Variants in RAB9B observed in about 807,000 individuals in gnomAD.
RAB9B encodes ras-related protein Rab-9B.
A neutral mutation model predicts 8.9 loss-of-function variants in RAB9B; 1 was observed. The ratio of observed to expected loss-of-function variants is 0.11; its 90% CI spans 0.04 to 0.53. The LOEUF (loss-of-function observed/expected upper bound fraction) is 0.53, where lower values mean the gene tolerates loss of function less well. Among genes scored for constraint, RAB9B ranks in the 20% least tolerant of loss-of-function variants. The probability of loss-of-function intolerance (pLI) is 0.93; values close to 1 mark genes in which losing one functional copy is unlikely to be tolerated. For missense variants in RAB9B, 82 were observed against 152.9 expected, an observed-to-expected ratio of 0.54 and a Z score of 2.45; for synonymous variants, 63 against 57.0, an observed-to-expected ratio of 1.10 and a Z score of -0.47.
chrX:103,795,754 A>G, the RAB9B span, among the ~76,000 whole-genome samples: 2 of 112,499 alleles, frequency 1.8e-5, no homozygotes, highest in African/African-American at 6.5e-5. Flanking sequence ...TATTATCACA[A>G]GTGAACAGAA....
the RAB9B span, among the ~76,000 whole-genome samples, chrX:103,797,598 C>T: frequency 2.7e-5 from 3 of 111,850 alleles, no homozygotes; most frequent in Non-Finnish European, 3.8e-5. Context: ...GGCAGCTAAG[C>T]CATGATTGGT....
the RAB9B span, among the ~76,000 whole-genome samples, chrX:103,801,308 G>C: frequency 9.0e-6 from 1 of 110,703 alleles, no homozygotes. Context: ...CCCCTCCTAG[G>C]AGTGTGGCTC....
the RAB9B span, chrX:103,792,680 C>T: frequency 6.2e-5 from 7 of 112,347 alleles, no homozygotes; most frequent in Admixed American, 6.6e-4. Context: ...AATAATCGTA[C>T]CTTGTTCAAG....
the RAB9B span, among the ~76,000 whole-genome samples, chrX:103,801,611 A>G: frequency 8.9e-6 from 1 of 112,083 alleles, no homozygotes; most frequent in Non-Finnish European, 1.9e-5. Context: ...AAGCCTCATA[A>G]CAGTCCAGAG....
chrX:103,799,941 G>C, the RAB9B span, among the ~76,000 whole-genome samples: 1 of 111,506 alleles, frequency 9.0e-6, no homozygotes, highest in African/African-American at 3.3e-5. Flanking sequence ...CCCCCAAGAG[G>C]ACAGAGGACA....
Position 103,823,139 on chromosome X carries a change from C to T in RAB9B, c.*2040G>A, listed in dbSNP as rs1341859276. The T allele has an allele frequency of 9.0e-6, 1 of 110,816 alleles. No homozygotes were observed. The highest frequency in any genetic ancestry group is 3.3e-5 in the African/African-American group (1 of 30,456). 9.1% of individuals were successfully genotyped at this position (110,816 alleles called of 1,213,427 possible). A position where few individuals can be genotyped will look rare whatever the true frequency, so the allele number is the denominator to read the frequency against. Reference sequence around the variant, plus strand: ...CAGAGTGCAAGTAGAAAGAGAAGGCCCCAGGTCTCATGCACTTAAAAATAA... The same window carrying T: ...CAGAGTGCAAGTAGAAAGAGAAGGCTCCAGGTCTCATGCACTTAAAAATAA... On this transcript the variant is annotated 3_prime_UTR_variant, in exon 3 of 3. Transcript: ENST00000243298.
At chrX:103,784,047 A>G in the RAB9B span, among the ~76,000 whole-genome samples, 2 of 112,336 alleles carry the variant, frequency 1.8e-5, no homozygotes, top group Admixed American at 1.9e-4. Flanking sequence ...AGGCCAGAGG[A>G]AGCCATTCTT....
chrX:103,786,788 G>A, the RAB9B span: 7 of 1,129,828 alleles, frequency 6.2e-6, no homozygotes, highest in Non-Finnish European at 8.5e-6. Flanking sequence ...GCGCGAGTCT[G>A]TGGCCTCGTC....
At chrX:103,802,871 G>C in the RAB9B span, among the ~76,000 whole-genome samples, 1 of 110,624 alleles carries the variant, frequency 9.0e-6, no homozygotes, top group Non-Finnish European at 1.9e-5. Flanking sequence ...TCCACCTTCT[G>C]TCTCTGTGGA....
In RAB9B at chrX:103,825,838, A is replaced by T. The variant is rs771754423; in HGVS notation, c.-42-12T>A. The T allele has an allele frequency of 2.8e-6, 3 of 1,084,724 alleles. No individual in the cohort carries two copies. In the African/African-American group the frequency reaches 5.6e-5, roughly 20 times the overall value. 89.4% of individuals were successfully genotyped at this position (1,084,724 alleles called of 1,213,427 possible). The stretch of plus-strand genomic sequence containing the variant: ...GTAACCAAGAGAACCTGAAAATAAA[A>T]GGAAAAGTAGGAGGGAAAACAGTTA... On this transcript the variant is annotated splice_polypyrimidine_tract_variant and intron_variant, in intron 2 of 2. Transcript: ENST00000243298.
the RAB9B span, among the ~76,000 whole-genome samples, chrX:103,812,734 C>T: frequency 9.0e-6 from 1 of 111,073 alleles, no homozygotes; most frequent in South Asian, 3.9e-4. Context: ...CTGCTTGCTA[C>T]TGTTTGCTTC....
At chrX:103,793,190 A>C in the RAB9B span, among the ~76,000 whole-genome samples, 1 of 112,299 alleles carries the variant, frequency 8.9e-6, no homozygotes, top group African/African-American at 3.2e-5. Flanking sequence ...AAAATAAATT[A>C]GTGACACCTA....
chrX:103,790,039 G>A, the RAB9B span, among the ~76,000 whole-genome samples: 2 of 112,191 alleles, frequency 1.8e-5, no homozygotes, highest in African/African-American at 6.5e-5. Flanking sequence ...GATCAGACAA[G>A]ATGAGCTCAC....
the RAB9B span, chrX:103,785,828 T>C: frequency 3.0e-6 from 3 of 1,004,115 alleles, no homozygotes; most frequent in Non-Finnish European, 4.2e-6. Flanking sequence ...ATCCTGGAGA[T>C]AGAGAACTCT....
the RAB9B span, among the ~76,000 whole-genome samples, chrX:103,801,136 T>C: frequency 9.0e-6 from 1 of 111,250 alleles, no homozygotes; most frequent in Non-Finnish European, 1.9e-5. Context: ...CAGTGGAGTA[T>C]GATGATGTCT....
the RAB9B span, chrX:103,790,464 G>T: frequency 1.3e-6 from 1 of 798,680 alleles, no homozygotes; most frequent in Non-Finnish European, 1.9e-6. Flanking sequence ...TTCCCAAAGG[G>T]ATTTGAGGAG....
At chrX:103,797,088 T>C in the RAB9B span, among the ~76,000 whole-genome samples, 7 of 39,077 alleles carry the variant, frequency 1.8e-4, no homozygotes, top group Non-Finnish European at 3.7e-4. Context: ...GAAAGAGACC[T>C]TTTTTTTTTT....
At chrX:103,792,017 T>C in the RAB9B span, 2 of 111,930 alleles carry the variant, frequency 1.8e-5, no homozygotes, top group African/African-American at 3.2e-5. Flanking sequence ...AGTCATCAGC[T>C]ATTCAGTTGG....
At chrX:103,786,193 G>A in the RAB9B span, 2 of 1,128,383 alleles carry the variant, frequency 1.8e-6, no homozygotes, top group Admixed American at 5.3e-5. Context: ...TCTGAAGGGT[G>A]GGGCAGGGAG....
Sources: gnomAD v4.1 joint callset for allele counts (sites outside exome capture counted in the v4.1 genomes callset) on GRCh38, gnomAD v4.1.1 for gene constraint, MANE v1.5 for transcripts, NCBI Gene and HGNC (gene_info 2026-07-23, HGNC 2026-07-21) for gene names.